The following PSD3 variants were observed in gnomAD, a reference collection of about 807,000 sequenced individuals.
PSD3 encodes the protein PH and SEC7 domain-containing protein 3.
A neutral mutation model predicts 105.5 loss-of-function variants in PSD3; 49 were observed. The observed-to-expected ratio is 0.46, with a 90% CI of 0.37 to 0.59. The LOEUF (loss-of-function observed/expected upper bound fraction) is 0.59. Ranked by LOEUF, PSD3 falls within the 20% of genes least tolerant of loss-of-function variation. PSD3 has a pLI of 0.00. For synonymous variants in PSD3, 557 were observed against 457.8 expected (o/e 1.22, Z -2.77); for missense variants, 1,561 against 1,263.8 (o/e 1.24, Z -3.57).
intron 9 of PSD3, 149 bp downstream of exon 9, chr8:18,765,300 A>T (rs1806884156): frequency 1.5e-6 from 1 of 665,292 alleles, no homozygotes; most frequent in Non-Finnish European, 2.6e-6. Flanking sequence ...AGCACGAAAA[A>T]TCAAGGACAA....
At chr8:18,803,879 G>C (rs568409764) in intron 6 of PSD3, among the ~76,000 whole-genome samples, 2 of 152,132 alleles carry the variant, frequency 1.3e-5, no homozygotes, top group East Asian at 3.9e-4. Context: ...ACAACATTAT[G>C]AATGTTTTTA....
chr8:18,868,055 T>A lies in PSD3; in HGVS notation c.1253A>T (p.Glu418Val), dbSNP rs1305921935. Residue 418 changes from glutamate (E) to valine (V), a missense_variant, in exon 4 of 16, where the codon GAG becomes GTG. Coordinates refer to ENST00000327040, the MANE Select transcript of PSD3 (RefSeq NM_015310.4). ...ERDRERISEQ[E>V]EHVKGEDEDI... ...TTCATCTTCCCCCTTAACGTGCTCC[T>A]CTTGTTCGCTGATCCTGGAAAGTAA... 24 of 1,601,344 alleles carry A rather than the reference T, an allele frequency of 1.5e-5. No homozygotes were observed. The highest frequency in any genetic ancestry group is 2.0e-5 in the Non-Finnish European group (23 of 1,174,510).
intron 4 of PSD3, among the ~76,000 whole-genome samples, chr8:18,820,683 G>A (rs1812624817): frequency 1.3e-5 from 2 of 152,088 alleles, no homozygotes; most frequent in African/African-American, 4.8e-5. Flanking sequence ...TCTCCAGTTG[G>A]TGGAAACTGC....
chr8:18,667,636 C>A (rs1051273808), intron 9 of PSD3, among the ~76,000 whole-genome samples: 1 of 152,244 alleles, frequency 6.6e-6, no homozygotes, highest in South Asian at 2.1e-4. Context: ...GATCCTGAAC[C>A]AGGCGGCAGG....
chr8:18,790,305 C>CT (rs772350691), intron 8 of PSD3, among the ~76,000 whole-genome samples: 2,523 of 133,300 alleles, frequency 0.019, 37 homozygotes, highest in African/African-American at 0.038. Context: ...TTTTTCTTTT[C>CT]TTTTTTTTTT....
At chr8:19,008,530 G>A (rs1826805703) in intron 1 of PSD3, among the ~76,000 whole-genome samples, 1 of 152,096 alleles carries the variant, frequency 6.6e-6, no homozygotes, top group African/African-American at 2.4e-5. Flanking sequence ...AATCAAAACT[G>A]TGCCTATCAA....
At chr8:18,977,259 CAAAAAAA>C (rs36071554) in intron 1 of PSD3, among the ~76,000 whole-genome samples, 57 of 113,182 alleles carry the variant, frequency 5.0e-4, no homozygotes, top group Non-Finnish European at 9.3e-4. Context: ...CACCCTATCT[CAAAAAAA>C]AAAAAAAAAA....
At chr8:18,715,357 T>A (rs531784735) in intron 9 of PSD3, among the ~76,000 whole-genome samples, 2 of 152,242 alleles carry the variant, frequency 1.3e-5, no homozygotes, top group African/African-American at 4.8e-5. Flanking sequence ...TTGAAAAGCA[T>A]TGACCTAGAT....
At chr8:19,006,950 G>A (rs1226380798) in intron 1 of PSD3, among the ~76,000 whole-genome samples, 1 of 151,964 alleles carries the variant, frequency 6.6e-6, no homozygotes, top group Non-Finnish European at 1.5e-5. Context: ...CCTACAGCTT[G>A]CAACAAAAAG....
chr8:18,985,094 C>T (rs915595183), intron 1 of PSD3, among the ~76,000 whole-genome samples: 24 of 152,128 alleles, frequency 1.6e-4, no homozygotes, highest in Non-Finnish European at 2.1e-4. Context: ...CCACCACACC[C>T]GGCTAATTTT....
intron 9 of PSD3, among the ~76,000 whole-genome samples, chr8:18,702,739 A>T (rs1801662730): frequency 6.6e-6 from 1 of 151,734 alleles, no homozygotes; most frequent in African/African-American, 2.4e-5. Flanking sequence ...CAGCCTCCCG[A>T]GTAGCTGGGA....
At position 18,679,430 on chromosome 8, in the gene PSD3, G is replaced by C. The variant is rs937426142; in HGVS notation, c.2173-23745C>G. Among the ~76,000 whole-genome samples, 3 of 152,158 alleles carry C rather than the reference G, an allele frequency of 2.0e-5. No individual in the cohort carries two copies. In the East Asian group the frequency reaches 5.8e-4, roughly 29 times the overall value. On this transcript the variant is annotated intron_variant, in intron 9 of 15. Coordinates refer to ENST00000327040, the MANE Select transcript of PSD3 (RefSeq NM_015310.4). Reference sequence around the variant, plus strand: ...AGCAGAGCAGAGGTTTGGAGCAAAGGACTTCCATTTTCCTTTAACACGTTT... The same window carrying C: ...AGCAGAGCAGAGGTTTGGAGCAAAGCACTTCCATTTTCCTTTAACACGTTT...
At chr8:18,631,035 G>T (rs79731471) in intron 11 of PSD3, among the ~76,000 whole-genome samples, 4 of 151,928 alleles carry the variant, frequency 2.6e-5, no homozygotes, top group Non-Finnish European at 4.4e-5. Flanking sequence ...CGGTATTTTC[G>T]TATTTTTCAC....
At chr8:18,558,818 C>G (rs938457423) in intron 14 of PSD3, among the ~76,000 whole-genome samples, 12 of 151,954 alleles carry the variant, frequency 7.9e-5, no homozygotes, top group Non-Finnish European at 1.6e-4. Flanking sequence ...AAGACTCCAT[C>G]TCAAAAAAAC....
At chr8:19,072,111 T>A (rs1213130712) in intron 1 of PSD3, among the ~76,000 whole-genome samples, 1 of 151,752 alleles carries the variant, frequency 6.6e-6, no homozygotes, top group Non-Finnish European at 1.5e-5. Flanking sequence ...TCTTCTTTTT[T>A]TTTTTTTTGT....
At chr8:18,708,449 T>A (rs528259345) in intron 9 of PSD3, among the ~76,000 whole-genome samples, 25 of 150,290 alleles carry the variant, frequency 1.7e-4, no homozygotes, top group East Asian at 3.9e-4. Flanking sequence ...AATTAGAAAA[T>A]TTTTTTTTTC....
intron 1 of PSD3, among the ~76,000 whole-genome samples, chr8:18,951,815 C>A (rs1189838590): frequency 1.3e-5 from 2 of 151,780 alleles, no homozygotes; most frequent in African/African-American, 2.4e-5. Flanking sequence ...TGAAACCCCT[C>A]CTCCACTAAA....
intron 9 of PSD3, among the ~76,000 whole-genome samples, chr8:18,663,544 T>C (rs1239968285): frequency 6.6e-6 from 1 of 152,234 alleles, no homozygotes; most frequent in African/African-American, 2.4e-5. Flanking sequence ...TTATTTATTT[T>C]GGGGGTGGAC....
At chr8:18,982,019 C>T (rs1038125172) in intron 1 of PSD3, among the ~76,000 whole-genome samples, 1 of 152,166 alleles carries the variant, frequency 6.6e-6, no homozygotes, top group Non-Finnish European at 1.5e-5. Context: ...CAGCATCTTA[C>T]CCACAGTAGA....
Sources: gnomAD v4.1 joint callset for allele counts (sites outside exome capture counted in the v4.1 genomes callset) on GRCh38, gnomAD v4.1.1 for gene constraint, MANE v1.5 for transcripts, NCBI Gene and HGNC (gene_info 2026-07-23, HGNC 2026-07-21) for gene names.